The following ERAP1 variants were observed in gnomAD, a reference collection of about 807,000 sequenced individuals.
The protein encoded by ERAP1 is endoplasmic reticulum aminopeptidase 1, also known as adipocyte-derived leucine aminopeptidase.
Under a neutral mutation model 103.7 loss-of-function variants are expected in ERAP1, and 86 were observed. The ratio of observed to expected loss-of-function variants is 0.83; its 90% CI spans 0.70 to 0.99. The LOEUF is 0.99. ERAP1 is among the 50% of genes least tolerant of loss of function. ERAP1 has a pLI of 0.00. For missense variants in ERAP1, 1,009 were observed against 1,128.4 expected (o/e 0.89, Z 1.52); for synonymous variants, 398 against 402.4 (o/e 0.99, Z 0.13).
chr5:96,897,290 G>A, the ERAP1 span, among the ~76,000 whole-genome samples: 1 of 152,078 alleles, frequency 6.6e-6, no homozygotes, highest in Admixed American at 6.6e-5. Context: ...CTAGATCATT[G>A]TGCCTATATT....
the ERAP1 span, among the ~76,000 whole-genome samples, chr5:96,913,619 G>A: frequency 0.54 from 82,399 of 151,982 alleles, 22,413 homozygotes; most frequent in Admixed American, 0.59. Flanking sequence ...AAATTATCCT[G>A]TCCAGGAGTA....
At chr5:96,849,986 G>A in the ERAP1 span, among the ~76,000 whole-genome samples, 1 of 152,110 alleles carries the variant, frequency 6.6e-6, no homozygotes, top group African/African-American at 2.4e-5. Context: ...TTCAACAAAG[G>A]TGCCAAGAAC....
At chr5:96,824,528 T>C in the ERAP1 span, among the ~76,000 whole-genome samples, 5 of 152,220 alleles carry the variant, frequency 3.3e-5, no homozygotes, top group Admixed American at 2.6e-4. Flanking sequence ...CCTATCTCTT[T>C]TCTCTTTGCT....
At chr5:96,847,131 C>A in the ERAP1 span, among the ~76,000 whole-genome samples, 2 of 151,166 alleles carry the variant, frequency 1.3e-5, no homozygotes, top group Admixed American at 1.3e-4. Context: ...ACCTGTAATC[C>A]CAGCTACTTG....
the ERAP1 span, chr5:96,935,258 G>T: frequency 6.6e-6 from 1 of 152,240 alleles, no homozygotes; most frequent in African/African-American, 2.4e-5. Context: ...ATCCGGCGCC[G>T]GGTTTTGTTA....
At position 96,784,079 on chromosome 5, in the gene ERAP1, T is replaced by C; in HGVS notation, c.1945A>G (p.Ile649Val). The change falls in exon 14 of 19, where the codon ATT (isoleucine) becomes GTT (valine). Residue 649 changes from isoleucine (I) to valine (V), a missense_variant and splice_region_variant. Transcript: ENST00000443439. The stretch of plus-strand genomic sequence containing the variant: ...GCCTTTTCAATGGACAGCTTCCCAA[T>C]GCTGACCAAGAGACACTGTGGTTAG... ...LINNAFQLVS[I>V]GKLSIEKALD... 1 of 1,614,104 alleles carries C rather than the reference T, an allele frequency of 6.2e-7. No homozygotes were observed. The highest frequency in any genetic ancestry group is 8.5e-7 in the Non-Finnish European group (1 of 1,179,952).
the ERAP1 span, among the ~76,000 whole-genome samples, chr5:96,849,381 TA>T: frequency 1.3e-5 from 2 of 152,174 alleles, no homozygotes; most frequent in African/African-American, 4.8e-5. Context: ...AAAACTCCAC[TA>T]AAAAACTGTT....
chr5:96,825,061 T>A, the ERAP1 span, among the ~76,000 whole-genome samples: 85 of 152,202 alleles, frequency 5.6e-4, 1 homozygote, highest in East Asian at 9.6e-4. Context: ...ATAAATTAAT[T>A]AATTAATTAA....
the ERAP1 span, among the ~76,000 whole-genome samples, chr5:96,858,552 G>A: frequency 0.1 from 15,620 of 152,148 alleles, 1,339 homozygotes; most frequent in East Asian, 0.45. Flanking sequence ...CTAATTACTT[G>A]GTGATTAATG....
intron 1 of ERAP1, among the ~76,000 whole-genome samples, chr5:96,807,614 C>T (rs992078088): frequency 2.0e-5 from 3 of 152,128 alleles, no homozygotes; most frequent in African/African-American, 2.4e-5. Flanking sequence ...CCGCCGGGCA[C>T]CCCGCGGACT....
Position 96,775,516 on chromosome 5 carries a change from G to A in ERAP1, c.*880C>T. 1 of 930,410 alleles carries A rather than the reference G, an allele frequency of 1.1e-6. No homozygotes were observed. Among genetic ancestry groups the A allele is most frequent in the Non-Finnish European group, 1.2e-6 (1 of 805,970 alleles). 57.6% of individuals were successfully genotyped at this position (930,410 alleles called of 1,614,324 possible). On this transcript the variant is annotated 3_prime_UTR_variant, in exon 19 of 19. Coordinates refer to ENST00000443439, the MANE Select transcript of ERAP1 (RefSeq NM_001040458.3). ...CTTTTTCAGAAGAGATACTGTACCA[G>A]TCAGGGAAATAGATGACACTCACTC... is the stretch of plus-strand genomic sequence containing the variant.
chr5:96,824,130 T>C, the ERAP1 span, among the ~76,000 whole-genome samples: 1 of 152,218 alleles, frequency 6.6e-6, no homozygotes, highest in African/African-American at 2.4e-5. Context: ...GTTTCTGGAA[T>C]TTTCCACATA....
chr5:96,763,252 T>A (rs762248019), intron 19 of ERAP1: 1 of 780,696 alleles, frequency 1.3e-6, no homozygotes, highest in Non-Finnish European at 2.4e-6. Context: ...GAGGCACAAA[T>A]GACAAAGCCC....
the ERAP1 span, among the ~76,000 whole-genome samples, chr5:96,929,680 G>T: frequency 7.2e-5 from 11 of 152,010 alleles, no homozygotes; most frequent in Non-Finnish European, 1.5e-4. Flanking sequence ...GGATCTCCTG[G>T]TCCTCTGTAA....
the ERAP1 span, among the ~76,000 whole-genome samples, chr5:96,885,408 T>C: frequency 7.9e-5 from 12 of 152,342 alleles, 1 homozygote; most frequent in African/African-American, 2.9e-4. Context: ...ATAGAGTTCT[T>C]AAAAATTACA....
chr5:96,865,169 G>A, the ERAP1 span, among the ~76,000 whole-genome samples: 1 of 152,102 alleles, frequency 6.6e-6, no homozygotes, highest in East Asian at 1.9e-4. Context: ...CATCCTCCTT[G>A]TCTTCTAAAT....
chr5:96,861,272 A>C, the ERAP1 span, among the ~76,000 whole-genome samples: 1 of 152,150 alleles, frequency 6.6e-6, no homozygotes, highest in Non-Finnish European at 1.5e-5. Context: ...TTCCCTGGGG[A>C]CATCTTCATG....
chr5:96,842,424 T>C, the ERAP1 span, among the ~76,000 whole-genome samples: 3 of 152,208 alleles, frequency 2.0e-5, no homozygotes, highest in Non-Finnish European at 2.9e-5. Context: ...AGTGTTCTAT[T>C]TTCACCACAT....
chr5:96,857,884 C>A, the ERAP1 span, among the ~76,000 whole-genome samples: 1 of 152,194 alleles, frequency 6.6e-6, no homozygotes, highest in African/African-American at 2.4e-5. Context: ...CCCTTTATGG[C>A]AGATCCTAGG....
Sources: gnomAD v4.1 joint callset for allele counts (sites outside exome capture counted in the v4.1 genomes callset) on GRCh38, gnomAD v4.1.1 for gene constraint, MANE v1.5 for transcripts, NCBI Gene and HGNC (gene_info 2026-07-23, HGNC 2026-07-21) for gene names.